The following WWOX variants were observed in gnomAD, a reference collection of about 807,000 sequenced individuals.
WWOX encodes WW domain containing oxidoreductase, also known as WW domain-containing oxidoreductase.
WWOX carries 69 observed loss-of-function variants against 46.2 expected under a neutral mutation model. The observed-to-expected ratio is 1.49, with a 90% CI of 1.23 to 1.82. WWOX has a LOEUF of 1.82. Among genes scored for constraint, WWOX ranks in the 40% most tolerant of loss-of-function variants. The probability of loss-of-function intolerance (pLI) is 0.00; values close to 1 mark genes in which losing one functional copy is unlikely to be tolerated. For missense variants in WWOX, 919 were observed against 542.6 expected, an observed-to-expected ratio of 1.69 and a Z score of -6.89; for synonymous variants, 359 against 202.6, an observed-to-expected ratio of 1.77 and a Z score of -6.56.
chr16:78,566,126 C>A (rs1247284161), intron 8 of WWOX, among the ~76,000 whole-genome samples: 1 of 152,110 alleles, frequency 6.6e-6, no homozygotes, highest in East Asian at 1.9e-4. Context: ...TGTGTCCTCT[C>A]ATGGCAGAGA....
chr16:79,196,552 A>G (rs920977319), intron 8 of WWOX: 3 of 152,170 alleles, frequency 2.0e-5, no homozygotes, highest in South Asian at 2.1e-4. Context: ...TGCCTGAGAA[A>G]TAATTTAAAT....
chr16:78,653,303 CTA>C (rs2142149497), intron 8 of WWOX, among the ~76,000 whole-genome samples: 1 of 152,242 alleles, frequency 6.6e-6, no homozygotes, highest in South Asian at 2.1e-4. Flanking sequence ...AATTTGGACA[CTA>C]TTTTAAAAAA....
intron 8 of WWOX, among the ~76,000 whole-genome samples, chr16:78,999,031 A>G (rs1349973164): frequency 6.6e-6 from 1 of 152,228 alleles, no homozygotes; most frequent in African/African-American, 2.4e-5. Context: ...ATGGCTGTGA[A>G]GTGGAGAGAC....
At chr16:78,917,982 A>G (rs1170997052) in intron 8 of WWOX, among the ~76,000 whole-genome samples, 1 of 152,276 alleles carries the variant, frequency 6.6e-6, no homozygotes, top group Non-Finnish European at 1.5e-5. Flanking sequence ...CAGGAGGGCC[A>G]CTTGAGGCCA....
At chr16:78,571,607 A>T (rs1296571299) in intron 8 of WWOX, among the ~76,000 whole-genome samples, 1 of 152,152 alleles carries the variant, frequency 6.6e-6, no homozygotes, top group East Asian at 1.9e-4. Flanking sequence ...AGTGGCTCAC[A>T]CCTGTTATCT....
chr16:78,649,742 G>A (rs943456047), intron 8 of WWOX, among the ~76,000 whole-genome samples: 4 of 152,206 alleles, frequency 2.6e-5, no homozygotes, highest in Admixed American at 2.6e-4. Flanking sequence ...AGTCTACAGT[G>A]TATAACTTGG....
intron 8 of WWOX, among the ~76,000 whole-genome samples, chr16:78,921,636 C>T (rs888767584): frequency 2.0e-5 from 3 of 152,148 alleles, no homozygotes; most frequent in African/African-American, 7.2e-5. Context: ...TCTGGATGAC[C>T]TACAGGTCAT....
At chr16:78,945,735 C>G (rs1034784985) in intron 8 of WWOX, among the ~76,000 whole-genome samples, 3 of 151,924 alleles carry the variant, frequency 2.0e-5, no homozygotes, top group Non-Finnish European at 2.9e-5. Flanking sequence ...TCATTTCTTT[C>G]CAGGTTCCTG....
intron 8 of WWOX, among the ~76,000 whole-genome samples, chr16:79,141,517 G>A (rs1376982268): frequency 2.0e-5 from 3 of 152,332 alleles, no homozygotes; most frequent in East Asian, 3.9e-4. Flanking sequence ...GATAGCACCC[G>A]TTTTCAAGTC....
intron 8 of WWOX, among the ~76,000 whole-genome samples, chr16:78,836,007 T>G (rs1176428688): frequency 6.6e-6 from 1 of 152,200 alleles, no homozygotes; most frequent in Non-Finnish European, 1.5e-5. Context: ...CTTGTTCCCT[T>G]CAATGTATTT....
chr16:78,752,379 C>G (rs1264254766), intron 8 of WWOX, among the ~76,000 whole-genome samples: 1 of 152,192 alleles, frequency 6.6e-6, no homozygotes, highest in Non-Finnish European at 1.5e-5. Context: ...CCTCTGCCTC[C>G]TGGGTTCAAG....
At position 78,364,834 on chromosome 16, in the gene WWOX, T is replaced by G. The variant is rs139225478; in HGVS notation, c.517-22026T>G. ...TGGGAGAGCAGGAGGGAACAAGGTGTTTTCTGTGCTTTTTCCTACATGCAG... is the reference window on the plus strand; with the variant it reads ...TGGGAGAGCAGGAGGGAACAAGGTGGTTTCTGTGCTTTTTCCTACATGCAG... On this transcript the variant is annotated intron_variant, in intron 5 of 8. Transcript: ENST00000566780. 4.8e-3 allele frequency among the ~76,000 whole-genome samples: 726 copies of G among 152,292 alleles called. 11 individuals are homozygous for G. The highest frequency in any genetic ancestry group is 0.017 in the African/African-American group (693 of 41,556).
At chr16:78,948,092 G>T (rs552998756) in intron 8 of WWOX, among the ~76,000 whole-genome samples, 5 of 152,192 alleles carry the variant, frequency 3.3e-5, no homozygotes, top group Admixed American at 2.6e-4. Flanking sequence ...AACTCCATCC[G>T]TGCAGCTGCT....
intron 8 of WWOX, among the ~76,000 whole-genome samples, chr16:79,021,657 C>A (rs2047536164): frequency 6.6e-6 from 1 of 152,208 alleles, no homozygotes; most frequent in Non-Finnish European, 1.5e-5. Flanking sequence ...GACAAACACA[C>A]AGATGCTTCT....
At chr16:78,952,033 C>G (rs998396384) in intron 8 of WWOX, among the ~76,000 whole-genome samples, 1 of 152,202 alleles carries the variant, frequency 6.6e-6, no homozygotes, top group African/African-American at 2.4e-5. Flanking sequence ...TGATTTTATA[C>G]TGTCTGTAGG....
Position 78,099,735 on chromosome 16 carries a change from C to G in WWOX, c.-44C>G, listed in dbSNP as rs777783282. ...GGAGTGAGTTCCTGAGCGAGTGGAC[C>G]CGGCAGCGGGCGATAGGGGGGCCAG... On this transcript the variant is annotated 5_prime_UTR_variant, in exon 1 of 9. Coordinates refer to ENST00000566780, the MANE Select transcript of WWOX (RefSeq NM_016373.4). The G allele has an allele frequency of 3.3e-6, 5 of 1,514,200 alleles. No individual in the cohort carries two copies. In the South Asian group the frequency reaches 3.8e-5, roughly 11 times the overall value. 93.8% of individuals were successfully genotyped at this position (1,514,200 alleles called of 1,614,324 possible). A position where few individuals can be genotyped will look rare whatever the true frequency, so the allele number is the denominator to read the frequency against.
At chr16:78,944,616 G>A (rs1000145102) in intron 8 of WWOX, among the ~76,000 whole-genome samples, 2 of 152,226 alleles carry the variant, frequency 1.3e-5, no homozygotes, top group African/African-American at 2.4e-5. Context: ...GATCATACTG[G>A]GATCTTTGGA....
At chr16:79,152,726 G>T (rs938306049) in intron 8 of WWOX, among the ~76,000 whole-genome samples, 1 of 151,990 alleles carries the variant, frequency 6.6e-6, no homozygotes, top group Non-Finnish European at 1.5e-5. Flanking sequence ...CAAACAGAGT[G>T]GCCAGCAGTC....
chr16:79,098,973 C>G (rs751419847), intron 8 of WWOX, among the ~76,000 whole-genome samples: 1 of 152,174 alleles, frequency 6.6e-6, no homozygotes, highest in Non-Finnish European at 1.5e-5. Context: ...TCACAGTTCT[C>G]ATGCCTGGAA....
Sources: gnomAD v4.1 joint callset for allele counts (sites outside exome capture counted in the v4.1 genomes callset) on GRCh38, gnomAD v4.1.1 for gene constraint, MANE v1.5 for transcripts, NCBI Gene and HGNC (gene_info 2026-07-23, HGNC 2026-07-21) for gene names.